CACNA2D3: variants seen among roughly 807,000 people sequenced by gnomAD.
CACNA2D3 encodes the protein calcium voltage-gated channel auxiliary subunit alpha2delta 3, also known as voltage-dependent calcium channel subunit alpha-2/delta-3.
A neutral mutation model predicts 160.6 loss-of-function variants in CACNA2D3; 60 were observed. That is an observed-to-expected ratio of 0.37 (90% CI 0.30 to 0.46). CACNA2D3 has a LOEUF of 0.46. CACNA2D3 is among the 20% of genes least tolerant of loss of function. The probability of loss-of-function intolerance (pLI) is 1.00; values close to 1 mark genes in which losing one functional copy is unlikely to be tolerated. For missense variants in CACNA2D3, 1,205 were observed against 1,365.0 expected (o/e 0.88, Z 1.85); for synonymous variants, 558 against 492.9 (o/e 1.13, Z -1.75).
At chr3:54,429,554 T>C (rs1246765999) in intron 4 of CACNA2D3, among the ~76,000 whole-genome samples, 1 of 152,168 alleles carries the variant, frequency 6.6e-6, no homozygotes, top group Non-Finnish European at 1.5e-5. Context: ...AGAGTGGTCA[T>C]AAGCTTCTCA....
chr3:54,536,520 C>T (rs1196120390), intron 5 of CACNA2D3, among the ~76,000 whole-genome samples: 1 of 152,236 alleles, frequency 6.6e-6, no homozygotes, highest in East Asian at 1.9e-4. Context: ...AGAAACCAGC[C>T]AGGCCAACAG....
chr3:54,224,654 C>T (rs896813161), intron 2 of CACNA2D3, among the ~76,000 whole-genome samples: 2 of 152,226 alleles, frequency 1.3e-5, no homozygotes, highest in Non-Finnish European at 2.9e-5. Context: ...AACACTTTCA[C>T]TTCTTTTGCC....
chr3:54,708,463 A>G (rs897643322), intron 11 of CACNA2D3, among the ~76,000 whole-genome samples: 16 of 152,210 alleles, frequency 1.1e-4, no homozygotes, highest in African/African-American at 3.6e-4. Context: ...CTTCGAAAGG[A>G]TGGAGTTGAA....
intron 13 of CACNA2D3, among the ~76,000 whole-genome samples, chr3:54,774,766 C>G (rs1702394269): frequency 6.6e-6 from 1 of 150,732 alleles, no homozygotes; most frequent in Non-Finnish European, 1.5e-5. Flanking sequence ...TCCTGAGTAG[C>G]TGGGATTACA....
intron 5 of CACNA2D3, among the ~76,000 whole-genome samples, chr3:54,545,351 C>T (rs1348120352): frequency 1.3e-5 from 2 of 152,142 alleles, no homozygotes; most frequent in Non-Finnish European, 2.9e-5. Flanking sequence ...TTCTGAAGGC[C>T]TGTCCTTGTC....
chr3:54,275,066 C>T (rs1702705621), intron 2 of CACNA2D3, among the ~76,000 whole-genome samples: 1 of 152,238 alleles, frequency 6.6e-6, no homozygotes, highest in Non-Finnish European at 1.5e-5. Context: ...GCAGACAATC[C>T]TGCTTATGAG....
At chr3:54,477,874 T>G (rs1390824991) in intron 4 of CACNA2D3, among the ~76,000 whole-genome samples, 1 of 152,158 alleles carries the variant, frequency 6.6e-6, no homozygotes, top group Non-Finnish European at 1.5e-5. Context: ...ACTTGATCAT[T>G]TATGGGTGGT....
intron 9 of CACNA2D3, among the ~76,000 whole-genome samples, chr3:54,627,162 C>T (rs1699139225): frequency 6.6e-6 from 1 of 152,188 alleles, no homozygotes; most frequent in African/African-American, 2.4e-5. Flanking sequence ...GACATGAAGA[C>T]AGAGTAATGC....
intron 3 of CACNA2D3, among the ~76,000 whole-genome samples, chr3:54,353,558 A>G (rs1698600746): frequency 6.6e-6 from 1 of 151,874 alleles, no homozygotes; most frequent in Non-Finnish European, 1.5e-5. Flanking sequence ...AGGCATTCTG[A>G]TGAGTTATCT....
chr3:54,747,684 C>T (rs549850090), intron 11 of CACNA2D3, among the ~76,000 whole-genome samples: 11 of 152,140 alleles, frequency 7.2e-5, no homozygotes, highest in Non-Finnish European at 1.5e-4. Flanking sequence ...TCCATTAACA[C>T]GAGCCCCTTC....
At chr3:54,411,676 A>C (rs1699670351) in intron 4 of CACNA2D3, among the ~76,000 whole-genome samples, 1 of 152,198 alleles carries the variant, frequency 6.6e-6, no homozygotes, top group African/African-American at 2.4e-5. Flanking sequence ...GATTTGCTTT[A>C]TTGTAATATT....
chr3:54,921,531 T>C (rs1432334509), intron 27 of CACNA2D3, among the ~76,000 whole-genome samples: 2 of 152,176 alleles, frequency 1.3e-5, no homozygotes, highest in Non-Finnish European at 2.9e-5. Context: ...TTTTTGCTCT[T>C]AGGCCAGCAG....
intron 3 of CACNA2D3, among the ~76,000 whole-genome samples, chr3:54,326,496 T>C (rs138665353): frequency 1.8e-3 from 267 of 152,326 alleles, no homozygotes; most frequent in Admixed American, 4.6e-3. Context: ...AGGGACTATA[T>C]GAATACTTCT....
At chr3:54,228,758 G>A (rs12639082) in intron 2 of CACNA2D3, among the ~76,000 whole-genome samples, 5,699 of 152,308 alleles carry the variant, frequency 0.037, 219 homozygotes, top group East Asian at 0.21. Context: ...ATTGGGAGAT[G>A]ACAGAATCAC....
intron 12 of CACNA2D3, among the ~76,000 whole-genome samples, chr3:54,757,843 G>T (rs1255316565): frequency 6.6e-6 from 1 of 152,232 alleles, no homozygotes; most frequent in Non-Finnish European, 1.5e-5. Context: ...TTACCAGCCA[G>T]CAGGCGGTAG....
At chr3:54,979,266 T>C (rs1702456628) in intron 29 of CACNA2D3, among the ~76,000 whole-genome samples, 2 of 152,050 alleles carry the variant, frequency 1.3e-5, no homozygotes, top group Admixed American at 1.3e-4. Flanking sequence ...CTAGTTTTTT[T>C]CAAGGGGCTC....
At chr3:54,922,002 C>T (rs1212877313) in intron 27 of CACNA2D3, among the ~76,000 whole-genome samples, 3 of 151,930 alleles carry the variant, frequency 2.0e-5, no homozygotes, top group Non-Finnish European at 4.4e-5. Flanking sequence ...CCATGTTTGA[C>T]ACATATTTGG....
At chr3:54,176,899 G>A (rs1700690429) in intron 2 of CACNA2D3, among the ~76,000 whole-genome samples, 1 of 152,126 alleles carries the variant, frequency 6.6e-6, no homozygotes, top group African/African-American at 2.4e-5. Context: ...GCAGCCCAGT[G>A]TGGCATTAGG....
intron 5 of CACNA2D3, among the ~76,000 whole-genome samples, chr3:54,560,155 C>T (rs763165101): frequency 2.0e-5 from 3 of 152,288 alleles, no homozygotes; most frequent in Non-Finnish European, 2.9e-5. Context: ...TTTGAGGAAT[C>T]GCTACACTGT....
Sources: gnomAD v4.1 joint callset for allele counts (sites outside exome capture counted in the v4.1 genomes callset) on GRCh38, gnomAD v4.1.1 for gene constraint, MANE v1.5 for transcripts, NCBI Gene and HGNC (gene_info 2026-07-23, HGNC 2026-07-21) for gene names.